The following DPP6 variants were observed in gnomAD, a reference collection of about 807,000 sequenced individuals.
The protein encoded by DPP6 is A-type potassium channel modulatory protein DPP6.
In DPP6, 69 loss-of-function variants were observed where a neutral mutation model predicts 122.6. The ratio of observed to expected loss-of-function variants is 0.56; its 90% CI spans 0.46 to 0.69. The LOEUF (loss-of-function observed/expected upper bound fraction) is 0.69, where lower values mean the gene tolerates loss of function less well. DPP6 is among the 30% of genes least tolerant of loss of function. DPP6 has a pLI of 0.00. For synonymous variants in DPP6, 418 were observed against 433.1 expected (o/e 0.97, Z 0.43); for missense variants, 928 against 1,116.9 (o/e 0.83, Z 2.41).
At chr7:154,574,434 G>T (rs995961708) in intron 5 of DPP6, among the ~76,000 whole-genome samples, 40 of 144,420 alleles carry the variant, frequency 2.8e-4, no homozygotes, top group African/African-American at 9.0e-4. Context: ...TGTGTGGTGT[G>T]TGTGTATGTG....
At chr7:154,549,368 T>G (rs1312348499) in intron 4 of DPP6, among the ~76,000 whole-genome samples, 1 of 152,158 alleles carries the variant, frequency 6.6e-6, no homozygotes, top group Non-Finnish European at 1.5e-5. Flanking sequence ...ACACACAGGC[T>G]AAAATGCCTA....
chr7:153,814,599 T>C, the DPP6 span, among the ~76,000 whole-genome samples: 6 of 152,050 alleles, frequency 3.9e-5, no homozygotes, highest in Non-Finnish European at 7.4e-5. Flanking sequence ...TCCTCCCTAA[T>C]TCATTTTATG....
chr7:154,187,766 G>T (rs1204928678), intron 1 of DPP6, among the ~76,000 whole-genome samples: 1 of 152,052 alleles, frequency 6.6e-6, no homozygotes, highest in African/African-American at 2.4e-5. Context: ...CTGTAAAATT[G>T]GGGAAGAGGG....
chr7:154,203,601 A>G (rs1799282771), intron 1 of DPP6, among the ~76,000 whole-genome samples: 1 of 152,194 alleles, frequency 6.6e-6, no homozygotes, highest in Non-Finnish European at 1.5e-5. Flanking sequence ...GCACCAAGCA[A>G]GCGACATATC....
intron 7 of DPP6, among the ~76,000 whole-genome samples, chr7:154,684,465 A>G (rs111310181): frequency 1.7e-4 from 26 of 152,250 alleles, no homozygotes; most frequent in African/African-American, 5.5e-4. Context: ...AAGGCATATT[A>G]TTTACCCAAG....
At chr7:154,267,625 C>T (rs578244006) in intron 1 of DPP6, among the ~76,000 whole-genome samples, 1 of 150,912 alleles carries the variant, frequency 6.6e-6, no homozygotes, top group East Asian at 1.9e-4. Flanking sequence ...CTTACATATA[C>T]ACACATATAC....
intron 3 of DPP6, among the ~76,000 whole-genome samples, chr7:154,523,182 G>A (rs1827137266): frequency 6.6e-6 from 1 of 152,144 alleles, no homozygotes; most frequent in South Asian, 2.1e-4. Flanking sequence ...TCTTGAAAGG[G>A]GGAAGGAAGA....
intron 16 of DPP6, among the ~76,000 whole-genome samples, chr7:154,810,703 CAT>C (rs749723041): frequency 4.6e-5 from 7 of 151,786 alleles, no homozygotes; most frequent in South Asian, 2.1e-4. Flanking sequence ...GTCACACACA[CAT>C]GACTGACCCG....
At chr7:154,211,962 G>A (rs531742995) in intron 1 of DPP6, among the ~76,000 whole-genome samples, 43 of 121,632 alleles carry the variant, frequency 3.5e-4, no homozygotes, top group African/African-American at 9.4e-4. Flanking sequence ...CCTCCTGTGG[G>A]CTTGTCACAG....
intron 1 of DPP6, among the ~76,000 whole-genome samples, chr7:154,297,052 A>AAATGTAT (rs1805580924): frequency 5.4e-5 from 8 of 146,950 alleles, no homozygotes; most frequent in Admixed American, 4.8e-4. Context: ...GTTGATTGTG[A>AAATGTAT]AATGTATTCT....
In DPP6 at chr7:154,587,190, G is replaced by T. The variant is rs1341369091; in HGVS notation, c.627+20274G>T. ...GGGTCAGTGAACGCATGTCAGCTCT[G>T]CACTCAGTCCTGCTGCACTTCGGTG... On this transcript the variant is annotated intron_variant, in intron 5 of 25. Coordinates refer to ENST00000377770, the MANE Select transcript of DPP6 (RefSeq NM_130797.4). The T allele has an allele frequency of 1.6e-5, 3 of 190,734 alleles. No homozygotes were observed. In the Admixed American group the frequency reaches 1.6e-4, roughly 10 times the overall value. 11.8% of individuals were successfully genotyped at this position (190,734 alleles called of 1,614,324 possible).
the DPP6 span, among the ~76,000 whole-genome samples, chr7:153,804,527 A>T: frequency 6.6e-6 from 1 of 152,278 alleles, no homozygotes; most frequent in Middle Eastern, 3.4e-3. Context: ...ATACATCAAA[A>T]CCTGTAGCAT....
chr7:154,407,751 G>A (rs286842), intron 1 of DPP6, among the ~76,000 whole-genome samples: 139,641 of 152,230 alleles, frequency 0.92, 64,339 homozygotes, highest in East Asian at 1. Flanking sequence ...TGAGGAGCAT[G>A]TGAATTCCAG....
intron 10 of DPP6, among the ~76,000 whole-genome samples, chr7:154,783,611 G>A (rs1263476843): frequency 6.6e-6 from 1 of 152,160 alleles, no homozygotes; most frequent in African/African-American, 2.4e-5. Context: ...GCCTTCTGTT[G>A]ACGTTGAGTG....
In DPP6 at chr7:154,156,149, G is replaced by T. The variant is rs1162400184; in HGVS notation, c.243+103086G>T. Among the ~76,000 whole-genome samples, 6 of 152,160 alleles carry T rather than the reference G, an allele frequency of 3.9e-5. No individual in the cohort carries two copies. The East Asian group carries it at 1.2e-3, about 30-fold the overall frequency. On this transcript the variant is annotated intron_variant, in intron 1 of 25. Coordinates refer to ENST00000377770, the MANE Select transcript of DPP6 (RefSeq NM_130797.4). ...GATGCCCTGAGGAGCTCTGGGACTT[G>T]CACCTACAGGGTCATCCCGAGGCCC...
At chr7:153,974,506 G>A (rs1008271583) in intron 1 of DPP6, among the ~76,000 whole-genome samples, 62 of 152,048 alleles carry the variant, frequency 4.1e-4, no homozygotes, top group African/African-American at 1.5e-3. Context: ...ATAAATGTAT[G>A]GGAATGTGTC....
chr7:154,751,608 TCA>T (rs1491211688), intron 8 of DPP6, among the ~76,000 whole-genome samples: 6 of 88,622 alleles, frequency 6.8e-5, no homozygotes, highest in Admixed American at 1.1e-4. Flanking sequence ...AGACTCTGTC[TCA>T]AAAAAAAAAA....
chr7:154,246,511 C>T (rs1207108716), intron 1 of DPP6, among the ~76,000 whole-genome samples: 1 of 152,028 alleles, frequency 6.6e-6, no homozygotes, highest in Non-Finnish European at 1.5e-5. Flanking sequence ...AAAATTCCAA[C>T]AAGGTGGTAG....
intron 1 of DPP6, among the ~76,000 whole-genome samples, chr7:154,285,008 A>G (rs943567728): frequency 6.6e-6 from 1 of 152,198 alleles, no homozygotes; most frequent in Non-Finnish European, 1.5e-5. Flanking sequence ...GGCCAGAGGG[A>G]GGAGAAATAG....
Sources: gnomAD v4.1 joint callset for allele counts (sites outside exome capture counted in the v4.1 genomes callset) on GRCh38, gnomAD v4.1.1 for gene constraint, MANE v1.5 for transcripts, NCBI Gene and HGNC (gene_info 2026-07-23, HGNC 2026-07-21) for gene names.